The following LHCGR variants were observed in gnomAD, a reference collection of about 807,000 sequenced individuals.
The protein encoded by LHCGR is luteinizing hormone/choriogonadotropin receptor.
LHCGR carries 55 observed loss-of-function variants against 60.7 expected under a neutral mutation model. The observed-to-expected ratio is 0.91, with a 90% CI of 0.73 to 1.13. The LOEUF is 1.13. LHCGR is among the 50% of genes most tolerant of loss of function. The pLI, the probability that LHCGR is intolerant of heterozygous loss-of-function variation, is 0.00. For missense variants in LHCGR, 862 were observed against 836.0 expected (o/e 1.03, Z -0.38); for synonymous variants, 337 against 316.5 (o/e 1.06, Z -0.69).
At chr2:48,723,100 T>A (rs1490399878) in intron 6 of LHCGR, among the ~76,000 whole-genome samples, 1 of 152,228 alleles carries the variant, frequency 6.6e-6, no homozygotes, top group Non-Finnish European at 1.5e-5. Flanking sequence ...TCTGTTGAAA[T>A]CTTGAAATTT....
intron 3 of LHCGR, among the ~76,000 whole-genome samples, chr2:48,726,494 C>A (rs1424744680): frequency 6.6e-6 from 1 of 152,186 alleles, no homozygotes; most frequent in Non-Finnish European, 1.5e-5. Context: ...TTGCCCTCCC[C>A]GCCCAACTCC....
chr2:48,699,046 G>C (rs1302801036), intron 8 of LHCGR, among the ~76,000 whole-genome samples: 1 of 151,972 alleles, frequency 6.6e-6, no homozygotes, highest in Non-Finnish European at 1.5e-5. Context: ...GGATGGTGTC[G>C]ATCTTCTGAC....
chr2:48,734,062 C>A (rs184672999), intron 1 of LHCGR, among the ~76,000 whole-genome samples: 2 of 152,124 alleles, frequency 1.3e-5, no homozygotes, highest in Admixed American at 6.5e-5. Context: ...CTTGTACAAA[C>A]GTTTTCTTCA....
intron 1 of LHCGR, among the ~76,000 whole-genome samples, chr2:48,738,285 C>G (rs1310031122): frequency 3.3e-5 from 5 of 152,084 alleles, no homozygotes; most frequent in Non-Finnish European, 7.4e-5. Context: ...TGAACATTTC[C>G]TCTGTTCTCC....
At chr2:48,742,468 A>G (rs1330053997) in intron 1 of LHCGR, among the ~76,000 whole-genome samples, 3 of 151,662 alleles carry the variant, frequency 2.0e-5, no homozygotes, top group East Asian at 3.9e-4. Context: ...CAAATGTAAA[A>G]GAACAGAAAT....
intron 6 of LHCGR, chr2:48,720,912 G>T (rs1254566616): frequency 6.6e-6 from 1 of 152,130 alleles, no homozygotes; most frequent in Non-Finnish European, 1.5e-5. Flanking sequence ...TTTAATAAGG[G>T]CTACATACAT....
At chr2:48,700,828 T>A (rs960570824) in intron 8 of LHCGR, among the ~76,000 whole-genome samples, 6 of 151,892 alleles carry the variant, frequency 4.0e-5, no homozygotes, top group African/African-American at 1.5e-4. Flanking sequence ...AAACAGAAGT[T>A]ATGGGGTTGA....
At chr2:48,709,336 A>G (rs1011973349) in intron 7 of LHCGR, among the ~76,000 whole-genome samples, 2 of 152,198 alleles carry the variant, frequency 1.3e-5, no homozygotes, top group Non-Finnish European at 2.9e-5. Context: ...CAGCTGGATA[A>G]GGATGAGATT....
chr2:48,700,268 C>T (rs1667342526), intron 8 of LHCGR, among the ~76,000 whole-genome samples: 2 of 152,040 alleles, frequency 1.3e-5, no homozygotes, highest in Admixed American at 6.5e-5. Flanking sequence ...TTCTTAGAAA[C>T]AGTAAGGCCT....
rs370313941 is a variant in LHCGR at position 48,737,317 on chromosome 2, G to A, written c.162-6019C>T. ...CTAAAACACTACAAAATCAGATGAA[G>A]GGAAAAAAGAGAGAAATCAGAGAGT... On this transcript the variant is annotated intron_variant, in intron 1 of 10. Transcript: ENST00000294954. Among the ~76,000 whole-genome samples, 20 of 152,172 alleles carry A rather than the reference G, an allele frequency of 1.3e-4. No individual in the cohort carries two copies. In the East Asian group the frequency reaches 3.9e-3, roughly 29 times the overall value.
chr2:48,755,490 A>C (rs1456521121), intron 1 of LHCGR, 21 bp downstream of exon 1: 13 of 1,490,784 alleles, frequency 8.7e-6, no homozygotes, highest in Non-Finnish European at 1.1e-5. Flanking sequence ...GGGCGCCGCG[A>C]CGGGAGCGCT....
chr2:48,709,380 G>A (rs1667865977), intron 7 of LHCGR, among the ~76,000 whole-genome samples: 1 of 152,206 alleles, frequency 6.6e-6, no homozygotes, highest in South Asian at 2.1e-4. Flanking sequence ...AACGGCTGAA[G>A]TGCAGCCTAC....
intron 3 of LHCGR, among the ~76,000 whole-genome samples, chr2:48,727,119 G>A (rs909235080): frequency 6.6e-6 from 1 of 152,108 alleles, no homozygotes; most frequent in African/African-American, 2.4e-5. Context: ...TGGGATGGAA[G>A]GGACTTTTAT....
intron 8 of LHCGR, among the ~76,000 whole-genome samples, chr2:48,699,562 G>A (rs1667306795): frequency 6.6e-6 from 1 of 152,210 alleles, no homozygotes; most frequent in South Asian, 2.1e-4. Context: ...GATTGATTAA[G>A]CCCTGCAGGA....
chr2:48,729,829 A>G (rs1365159952), intron 2 of LHCGR, among the ~76,000 whole-genome samples: 2 of 152,334 alleles, frequency 1.3e-5, no homozygotes, highest in East Asian at 3.9e-4. Flanking sequence ...GAGCAAACTG[A>G]GGACAAAGAG....
At chr2:48,748,887 C>A (rs534625048) in intron 1 of LHCGR, among the ~76,000 whole-genome samples, 1 of 152,106 alleles carries the variant, frequency 6.6e-6, no homozygotes. Flanking sequence ...GGTGCTAGAA[C>A]CCAGTTCTGC....
At position 48,755,606 on chromosome 2, in the gene LHCGR, TGGCAGCGGCGGCTGC is replaced by T. The variant is rs1670174460; in HGVS notation, c.51_65del (p.Gln18_Pro22del). 6.5e-7 allele frequency: 1 copy of T among 1,528,504 alleles called. No individual in the cohort carries two copies. Among genetic ancestry groups the T allele is most frequent in the Admixed American group, 2.0e-5 (1 of 50,542 alleles). The allele number at this position is 1,528,504 out of a possible 1,614,324, so 94.7% of individuals were successfully genotyped here. A position where few individuals can be genotyped will look rare whatever the true frequency, so the allele number is the denominator to read the frequency against. ...GGCAGAGCGCCTCGCGCAGCGCTCG[TGGCAGCGGCGGCTGC>T]AGCAGCAGCAGCAGCTTCAGCAGCT... On this transcript the variant is annotated inframe_deletion, in exon 1 of 11. Transcript: ENST00000294954.
At chr2:48,713,654 C>T (rs1235441348) in intron 7 of LHCGR, among the ~76,000 whole-genome samples, 1 of 152,154 alleles carries the variant, frequency 6.6e-6, no homozygotes, top group East Asian at 1.9e-4. Context: ...AGAAGAATTT[C>T]TTTCTGAAAT....
chr2:48,726,112 A>G (rs1668711741), intron 3 of LHCGR, among the ~76,000 whole-genome samples: 1 of 152,070 alleles, frequency 6.6e-6, no homozygotes, highest in Admixed American at 6.5e-5. Flanking sequence ...GAGGGTGATG[A>G]GAGACTCCTC....
Sources: gnomAD v4.1 joint callset for allele counts (sites outside exome capture counted in the v4.1 genomes callset) on GRCh38, gnomAD v4.1.1 for gene constraint, MANE v1.5 for transcripts, NCBI Gene and HGNC (gene_info 2026-07-23, HGNC 2026-07-21) for gene names.